The following MAST2 variants were observed in gnomAD, a reference collection of about 807,000 sequenced individuals.
MAST2 encodes microtubule-associated serine/threonine-protein kinase 2.
Under a neutral mutation model 147.4 loss-of-function variants are expected in MAST2, and 70 were observed. The observed-to-expected ratio is 0.47, with a 90% confidence interval of 0.39 to 0.58. The LOEUF is 0.58. Ranked by LOEUF, MAST2 falls within the 20% of genes least tolerant of loss-of-function variation. The pLI is 0.00. For missense variants in MAST2, 2,080 were observed against 2,302.3 expected, an observed-to-expected ratio of 0.90 and a Z score of 1.98; for synonymous variants, 869 against 896.8, an observed-to-expected ratio of 0.97 and a Z score of 0.55.
intron 4 of MAST2, among the ~76,000 whole-genome samples, chr1:45,946,625 T>C (rs533263576): frequency 6.6e-6 from 1 of 152,346 alleles, no homozygotes; most frequent in East Asian, 1.9e-4. Flanking sequence ...ATAATCTGCC[T>C]GGGACTGAAT....
intron 3 of MAST2, among the ~76,000 whole-genome samples, chr1:45,846,537 A>T (rs1645441305): frequency 6.6e-6 from 1 of 152,142 alleles, no homozygotes. Context: ...AATAAATATC[A>T]TAGGCCAGGT....
Position 45,882,012 on chromosome 1 carries a change from TAAAAAAAAAAAA to T in MAST2, c.469-333_469-322del, listed in dbSNP as rs71062722. 1.2e-3 allele frequency among the ~76,000 whole-genome samples: 46 copies of T among 39,834 alleles called. 1 individual carries two copies. The highest frequency in any genetic ancestry group is 3.4e-3 in the African/African-American group (43 of 12,786). 26.1% of individuals were successfully genotyped at this position (39,834 alleles called of 152,430 possible). On this transcript the variant is annotated intron_variant, in intron 3 of 28. Transcript: ENST00000361297. Reference sequence around the variant, plus strand: ...TAACACGGTGAAACCCCGTCTCTACTAAAAAAAAAAAAAAAAAAAAAAAAAAAAAATTAGCCA... The same window carrying T: ...TAACACGGTGAAACCCCGTCTCTACTAAAAAAAAAAAAAAAAAATTAGCCA...
At chr1:45,956,837 C>T (rs1329656893) in intron 4 of MAST2, among the ~76,000 whole-genome samples, 2 of 152,120 alleles carry the variant, frequency 1.3e-5, no homozygotes, top group Non-Finnish European at 2.9e-5. Flanking sequence ...TTTGCAGTGC[C>T]TAGTTGAGCA....
chr1:45,901,209 T>C (rs537426782), intron 4 of MAST2, among the ~76,000 whole-genome samples: 2 of 152,344 alleles, frequency 1.3e-5, no homozygotes, highest in Admixed American at 6.5e-5. Flanking sequence ...AGTTTCATTC[T>C]TCTGCATATG....
In MAST2 at chr1:45,937,751, CAAAAAAAAAAA is replaced by C. The variant is rs34830747; in HGVS notation, c.501-21614_501-21604del. Among the ~76,000 whole-genome samples, 8 of 73,210 alleles carry C rather than the reference CAAAAAAAAAAA, an allele frequency of 1.1e-4. No homozygotes were observed. In the South Asian group the frequency reaches 1.7e-3, roughly 15 times the overall value. 48.0% of individuals were successfully genotyped at this position (73,210 alleles called of 152,430 possible). On this transcript the variant is annotated intron_variant, in intron 4 of 28. Coordinates refer to ENST00000361297, the MANE Select transcript of MAST2 (RefSeq NM_015112.3). ...TGGGAGACAGAGTGAAACTCCATCTCAAAAAAAAAAAAAAAAAAAAAAAAAAAAAAATTACC... is the reference window on the plus strand; with the variant it reads ...TGGGAGACAGAGTGAAACTCCATCTCAAAAAAAAAAAAAAAAAAAATTACC...
At chr1:45,854,373 T>C (rs1259880372) in intron 3 of MAST2, among the ~76,000 whole-genome samples, 1 of 151,578 alleles carries the variant, frequency 6.6e-6, no homozygotes. Context: ...ATTTGTGTGG[T>C]TTATTTCTGG....
chr1:45,927,227 C>T (rs931382095), intron 4 of MAST2, among the ~76,000 whole-genome samples: 1 of 152,100 alleles, frequency 6.6e-6, no homozygotes, highest in Non-Finnish European at 1.5e-5. Context: ...ACCACAGGAC[C>T]GAGGCGAAAT....
intron 5 of MAST2, among the ~76,000 whole-genome samples, chr1:45,966,477 A>G (rs934332693): frequency 9.9e-5 from 15 of 152,136 alleles, no homozygotes; most frequent in Non-Finnish European, 2.1e-4. Context: ...CACGCCTGTA[A>G]TCCCACACTT....
intron 5 of MAST2, among the ~76,000 whole-genome samples, chr1:45,974,715 G>C (rs1644064000): frequency 6.6e-6 from 1 of 152,178 alleles, no homozygotes; most frequent in African/African-American, 2.4e-5. Flanking sequence ...ACACTAAGAA[G>C]TATGGTCTGA....
intron 10 of MAST2, among the ~76,000 whole-genome samples, chr1:46,014,639 T>G (rs1645857376): frequency 6.6e-6 from 1 of 152,006 alleles, no homozygotes; most frequent in African/African-American, 2.4e-5. Flanking sequence ...CCTAAATATA[T>G]ATGCACCCAA....
chr1:45,919,675 GC>G (rs1056515108), intron 4 of MAST2, among the ~76,000 whole-genome samples: 3 of 152,258 alleles, frequency 2.0e-5, no homozygotes, highest in South Asian at 4.1e-4. Context: ...AAGTTGGGTA[GC>G]CCCCAAGATG....
intron 19 of MAST2, 32 bp downstream of exon 19, chr1:46,029,599 C>T (rs756076525): frequency 6.3e-7 from 1 of 1,591,186 alleles, no homozygotes; most frequent in East Asian, 2.2e-5. Context: ...TTTCTCACTA[C>T]TTGGAAAAGG....
intron 3 of MAST2, among the ~76,000 whole-genome samples, chr1:45,874,576 C>G (rs1170874211): frequency 7.2e-5 from 11 of 152,150 alleles, no homozygotes; most frequent in Admixed American, 7.2e-4. Flanking sequence ...GTAGGCAGGA[C>G]CCTATTGTCT....
chr1:46,007,039 A>C (rs1328852883), intron 8 of MAST2, among the ~76,000 whole-genome samples: 1 of 152,240 alleles, frequency 6.6e-6, no homozygotes, highest in Non-Finnish European at 1.5e-5. Context: ...CATCTTCATC[A>C]AACCAAACTA....
chr1:45,912,580 C>CATTA (rs1167906582), intron 4 of MAST2, among the ~76,000 whole-genome samples: 1 of 152,178 alleles, frequency 6.6e-6, no homozygotes, highest in Non-Finnish European at 1.5e-5. Context: ...GTCCTTTGAA[C>CATTA]ATTACCCTAG....
chr1:45,818,383 T>A (rs1258138347), intron 1 of MAST2, among the ~76,000 whole-genome samples: 2 of 152,182 alleles, frequency 1.3e-5, no homozygotes, highest in East Asian at 3.8e-4. Context: ...GCCACTGAGC[T>A]GGTTGTCACA....
intron 4 of MAST2, among the ~76,000 whole-genome samples, chr1:45,937,464 T>C (rs1241768012): frequency 2.0e-5 from 3 of 151,908 alleles, no homozygotes; most frequent in Non-Finnish European, 4.4e-5. Context: ...AATATGCCCA[T>C]TGTGGTTGGG....
intron 4 of MAST2, among the ~76,000 whole-genome samples, chr1:45,888,008 C>T (rs138916093): frequency 6.6e-6 from 1 of 152,266 alleles, no homozygotes; most frequent in African/African-American, 2.4e-5. Context: ...TAGTTGTTGG[C>T]GAGCTTTACC....
chr1:45,966,124 C>A (rs1445350854), intron 5 of MAST2, among the ~76,000 whole-genome samples: 1 of 152,178 alleles, frequency 6.6e-6, no homozygotes, highest in Non-Finnish European at 1.5e-5. Flanking sequence ...CATACAATAG[C>A]CTTTTCAGAC....
Sources: allele counts gnomAD v4.1 joint callset (sites outside exome capture counted in the v4.1 genomes callset), GRCh38; gene constraint gnomAD v4.1.1; transcripts MANE v1.5; gene names NCBI Gene and HGNC (gene_info 2026-07-23, HGNC 2026-07-21).